PPP2R2C: variants seen among roughly 807,000 people sequenced by gnomAD.
PPP2R2C encodes the protein protein phosphatase 2 regulatory subunit Bgamma, also known as protein phosphatase 2, regulatory subunit B, gamma.
A neutral mutation model predicts 45.3 loss-of-function variants in PPP2R2C; 10 were observed. The ratio of observed to expected loss-of-function variants is 0.22; its 90% CI spans 0.14 to 0.37. The LOEUF is 0.37. PPP2R2C is among the 10% of genes least tolerant of loss of function. The pLI is 1.00. For synonymous variants in PPP2R2C, 257 were observed against 245.4 expected (o/e 1.05, Z -0.44); for missense variants, 308 against 619.7 (o/e 0.50, Z 5.34).
At chr4:6,391,319 C>T (rs1365733921) in intron 1 of PPP2R2C, among the ~76,000 whole-genome samples, 1 of 152,110 alleles carries the variant, frequency 6.6e-6, no homozygotes, top group Non-Finnish European at 1.5e-5. Flanking sequence ...CTCCTCCCTA[C>T]CGTGTAGAGG....
chr4:6,529,840 G>C (rs951848836), intron 2 of PPP2R2C, among the ~76,000 whole-genome samples: 1 of 152,168 alleles, frequency 6.6e-6, no homozygotes, highest in African/African-American at 2.4e-5. Flanking sequence ...TCACTTCTCT[G>C]CTTGGGAAGG....
intron 2 of PPP2R2C, among the ~76,000 whole-genome samples, chr4:6,493,514 A>T (rs1375760315): frequency 6.6e-6 from 1 of 151,588 alleles, no homozygotes; most frequent in Admixed American, 6.6e-5. Context: ...GGCACAATGC[A>T]TCCTGCCCAT....
chr4:6,454,404 C>T (rs1368238405), intron 1 of PPP2R2C, among the ~76,000 whole-genome samples: 1 of 152,188 alleles, frequency 6.6e-6, no homozygotes, highest in Non-Finnish European at 1.5e-5. Context: ...AAGCAGCTTC[C>T]ACCTGGGTAT....
At chr4:6,426,550 C>T (rs1374270192) in intron 1 of PPP2R2C, among the ~76,000 whole-genome samples, 4 of 152,218 alleles carry the variant, frequency 2.6e-5, no homozygotes, top group African/African-American at 4.8e-5. Flanking sequence ...TTTACACCTG[C>T]ATGGCAATTG....
At chr4:6,375,048 C>T (rs142459597) in intron 4 of PPP2R2C, among the ~76,000 whole-genome samples, 1,677 of 152,212 alleles carry the variant, frequency 0.011, 13 homozygotes, top group Non-Finnish European at 0.017. Context: ...TGGCTCTGCC[C>T]CAAACACCAG....
intron 2 of PPP2R2C, among the ~76,000 whole-genome samples, chr4:6,497,137 T>G (rs1433798103): frequency 6.6e-6 from 1 of 151,940 alleles, no homozygotes; most frequent in Non-Finnish European, 1.5e-5. Context: ...GCACCCCAAC[T>G]GAGGAAACAG....
At position 6,496,825 on chromosome 4, in the gene PPP2R2C, C is replaced by A. The variant is rs555636888; in HGVS notation, c.49+38446G>T. On this transcript the variant is annotated intron_variant, in intron 2 of 9. Transcript: ENST00000506140. ...GCAGTGAGCCGAGATTGCGCCACTG[C>A]ACTCCAGCCTGGGCAACAAGAGCAA... is the stretch of plus-strand genomic sequence containing the variant. Among the ~76,000 whole-genome samples, 14 of 151,828 alleles carry A rather than the reference C, an allele frequency of 9.2e-5. No individual in the cohort carries two copies. The East Asian group carries it at 2.7e-3, about 29-fold the overall frequency.
At position 6,364,077 on chromosome 4, in the gene PPP2R2C, C is replaced by G. The variant is rs1714053901; in HGVS notation, c.625+8446G>C. 6.6e-6 allele frequency among the ~76,000 whole-genome samples: 1 copy of G among 152,122 alleles called. No individual in the cohort carries two copies. Among genetic ancestry groups the G allele is most frequent in the African/African-American group, 2.4e-5 (1 of 41,412 alleles). On this transcript the variant is annotated intron_variant, in intron 5 of 8. Transcript: ENST00000382599. The surrounding 1 kb of genome is among the most constrained non-coding windows in gnomAD (Gnocchi z 5.3). Reference sequence around the variant, plus strand: ...TCCCTGCTCTCAAGAAGCTGCCAGTCCAGGAGGGAGAGGCGGGAAATGAAC... The same window carrying G: ...TCCCTGCTCTCAAGAAGCTGCCAGTGCAGGAGGGAGAGGCGGGAAATGAAC...
At chr4:6,367,118 C>T (rs1413865877) in intron 5 of PPP2R2C, among the ~76,000 whole-genome samples, 2 of 152,100 alleles carry the variant, frequency 1.3e-5, no homozygotes, top group Non-Finnish European at 2.9e-5. Context: ...AGACAGGTCA[C>T]AGAGCCTCAG....
At chr4:6,550,419 G>A (rs986436639) in intron 1 of PPP2R2C, among the ~76,000 whole-genome samples, 1 of 152,154 alleles carries the variant, frequency 6.6e-6, no homozygotes, top group African/African-American at 2.4e-5. Context: ...GCTACGCCCA[G>A]CTGCACAGAA....
rs1346344963 is a variant in PPP2R2C, at chr4:6,512,535, GAT to G, written c.49+22734_49+22735del. ...TGTTGGTGGTGGTGGTGGTGATGGT[GAT>G]GGTGGTGATGGTGGTGATGGTGGTG... On this transcript the variant is annotated intron_variant, in intron 2 of 9. Coordinates refer to the PPP2R2C transcript ENST00000506140. Among the ~76,000 whole-genome samples, 34 of 66,508 alleles carry G rather than the reference GAT, an allele frequency of 5.1e-4. No individual in the cohort carries two copies. The South Asian group carries it at 0.015, about 29-fold the overall frequency. 43.6% of individuals were successfully genotyped at this position (66,508 alleles called of 152,430 possible).
At chr4:6,397,651 G>A (rs374357361) in intron 1 of PPP2R2C, among the ~76,000 whole-genome samples, 30 of 139,692 alleles carry the variant, frequency 2.1e-4, no homozygotes, top group East Asian at 1.0e-3. Flanking sequence ...AAGGGCAAGT[G>A]CAGCTGCCAG....
In PPP2R2C at chr4:6,364,126, C is replaced by T. The variant is rs1462689871; in HGVS notation, c.625+8397G>A. 6.6e-6 allele frequency among the ~76,000 whole-genome samples: 1 copy of T among 152,186 alleles called. No individual in the cohort carries two copies. Among genetic ancestry groups the T allele is most frequent in the Non-Finnish European group, 1.5e-5 (1 of 68,038 alleles). On this transcript the variant is annotated intron_variant, in intron 5 of 8. Transcript: ENST00000382599. This position sits in a 1 kb window ranked among gnomAD's most constrained non-coding sequence, Gnocchi z 5.3. ...ACAGGGAACGAGGTAGAGGCCAAGC[C>T]TCTAGGGAAGGGGCTCGAGGGAGTC...
At chr4:6,359,275 C>T (rs1339942619) in intron 5 of PPP2R2C, among the ~76,000 whole-genome samples, 1 of 152,174 alleles carries the variant, frequency 6.6e-6, no homozygotes, top group Non-Finnish European at 1.5e-5. Flanking sequence ...TGTTCTCACT[C>T]ATAGGTGGGA....
intron 1 of PPP2R2C, among the ~76,000 whole-genome samples, chr4:6,385,978 G>A (rs965211797): frequency 1.3e-5 from 2 of 152,148 alleles, no homozygotes; most frequent in African/African-American, 2.4e-5. Flanking sequence ...AAACAGCGCC[G>A]CACTATGGTT....
intron 1 of PPP2R2C, among the ~76,000 whole-genome samples, chr4:6,461,888 C>T (rs1721341154): frequency 1.3e-5 from 2 of 152,226 alleles, no homozygotes; most frequent in African/African-American, 4.8e-5. Flanking sequence ...GCCACATCCC[C>T]ATCATGGGGG....
intron 3 of PPP2R2C, among the ~76,000 whole-genome samples, chr4:6,376,842 A>G (rs969800913): frequency 1.3e-5 from 2 of 152,060 alleles, no homozygotes; most frequent in African/African-American, 4.8e-5. Flanking sequence ...CTTCGGGAGG[A>G]TCTCTCATGC....
chr4:6,539,532 A>G (rs1724739866), intron 1 of PPP2R2C, among the ~76,000 whole-genome samples: 1 of 152,206 alleles, frequency 6.6e-6, no homozygotes, highest in Non-Finnish European at 1.5e-5. Context: ...TGAGCTTTAT[A>G]ATATGTTGTA....
chr4:6,351,449 C>G, intron 5 of PPP2R2C: 1 of 727,944 alleles, frequency 1.4e-6, no homozygotes, highest in African/African-American at 1.9e-5. Context: ...AATCGAGCAC[C>G]CCATGTATAG....
Sources: allele counts gnomAD v4.1 joint callset (sites outside exome capture counted in the v4.1 genomes callset), GRCh38; gene constraint gnomAD v4.1.1; non-coding constraint Gnocchi (gnomAD v3.1); transcripts MANE v1.5; gene names NCBI Gene and HGNC (gene_info 2026-07-23, HGNC 2026-07-21).